The following HIPK1 variants were observed in gnomAD, a reference collection of about 807,000 sequenced individuals.
HIPK1 encodes the protein homeodomain interacting protein kinase 1, also known as homeodomain-interacting protein kinase 1.
In HIPK1, 28 loss-of-function variants were observed where a neutral mutation model predicts 117.1. That is an observed-to-expected ratio of 0.24 (90% confidence interval 0.18 to 0.33). The LOEUF is 0.33. Ranked by LOEUF, HIPK1 falls within the 10% of genes least tolerant of loss-of-function variation. HIPK1 has a pLI of 1.00. For synonymous variants in HIPK1, 605 were observed against 562.5 expected (o/e 1.08, Z -1.07); for missense variants, 1,122 against 1,475.1 (o/e 0.76, Z 3.92).
intron 8 of HIPK1, among the ~76,000 whole-genome samples, chr1:113,958,720 C>T (rs1671896044): frequency 2.0e-5 from 3 of 152,048 alleles, no homozygotes. Context: ...TGATTTTATT[C>T]TAAAATGTAA....
At chr1:113,942,438 C>T (rs932290867) in intron 2 of HIPK1, among the ~76,000 whole-genome samples, 5 of 152,102 alleles carry the variant, frequency 3.3e-5, no homozygotes, top group African/African-American at 7.2e-5. Flanking sequence ...GCTGTTTTTT[C>T]GAACCTCTTA....
intron 8 of HIPK1, among the ~76,000 whole-genome samples, chr1:113,958,665 T>C (rs1319376647): frequency 6.6e-6 from 1 of 152,228 alleles, no homozygotes; most frequent in African/African-American, 2.4e-5. Context: ...TTGGATCTTA[T>C]TGCCTATATC....
intron 2 of HIPK1, among the ~76,000 whole-genome samples, chr1:113,948,993 A>G (rs901653453): frequency 1.3e-5 from 2 of 152,050 alleles, no homozygotes; most frequent in African/African-American, 4.8e-5. Context: ...GCCTGCCACC[A>G]TGCCCAGCTA....
Position 113,977,141 on chromosome 1 carries a change from T to C in HIPK1, c.*3629T>C, listed in dbSNP as rs1303282636. The stretch of plus-strand genomic sequence containing the variant: ...ATGTGTGTTTTGTTCAGCATTATTA[T>C]GCAAAAATTCACTAGTTGAGATGGT... On this transcript the variant is annotated 3_prime_UTR_variant, in exon 16 of 16. Coordinates refer to ENST00000426820, the MANE Select transcript of HIPK1 (RefSeq NM_198268.3). 1 of 152,558 alleles carries C rather than the reference T, an allele frequency of 6.6e-6. No homozygotes were observed. The highest frequency in any genetic ancestry group is 2.4e-5 in the African/African-American group (1 of 41,392). The allele number at this position is 152,558 out of a possible 1,614,324, so 9.5% of individuals were successfully genotyped here. A position where few individuals can be genotyped will look rare whatever the true frequency, so the allele number is the denominator to read the frequency against.
chr1:113,957,890 A>G (rs1303370347), intron 7 of HIPK1, among the ~76,000 whole-genome samples, 176 bp from the exon 8 acceptor site: 2 of 152,076 alleles, frequency 1.3e-5, no homozygotes, highest in Non-Finnish European at 2.9e-5. Flanking sequence ...TGACCATATA[A>G]TATGCCTTCA....
At chr1:113,948,427 A>AT (rs1671128832) in intron 2 of HIPK1, among the ~76,000 whole-genome samples, 1 of 151,656 alleles carries the variant, frequency 6.6e-6, no homozygotes, top group South Asian at 2.1e-4. Flanking sequence ...AATTTTTTAA[A>AT]TTTTTTTGGT....
In HIPK1 at chr1:113,973,122, C is replaced by G; in HGVS notation, c.3243C>G (p.Pro1081=). The G allele has an allele frequency of 6.3e-7, 1 of 1,591,074 alleles. No individual in the cohort carries two copies. Among genetic ancestry groups the G allele is most frequent in the Non-Finnish European group, 8.6e-7 (1 of 1,168,454 alleles). The change falls in exon 16 of 16, where the codon CCC becomes CCG. Residue 1081 remains proline (P), a synonymous_variant. Transcript: ENST00000426820. ...TTGTGGCCCCTCTCTCCCAAGCCCC[C>G]TACACCTTCCAGCATGGCAGCCCGC... is the stretch of plus-strand genomic sequence containing the variant. ...QAFVAPLSQA[P]YTFQHGSPLH...
Position 113,929,425 on chromosome 1 carries a change from C to CCT in HIPK1, c.-110_-109insCT. 1 of 1,289,340 alleles carries CCT rather than the reference C, an allele frequency of 7.8e-7. No homozygotes were observed. Among genetic ancestry groups the CCT allele is most frequent in the South Asian group, 1.2e-5 (1 of 81,032 alleles). The allele number at this position is 1,289,340 out of a possible 1,614,324, so 79.9% of individuals were successfully genotyped here. On this transcript the variant is annotated 5_prime_UTR_variant, in exon 1 of 16. Coordinates refer to ENST00000426820, the MANE Select transcript of HIPK1 (RefSeq NM_198268.3). Reference sequence around the variant, plus strand: ...GGAAGTCCAGGCCCCGCACTCGATCCACGCTGGCTCCCTACGGAGGCCCAC... The same window carrying CCT: ...GGAAGTCCAGGCCCCGCACTCGATCCCTACGCTGGCTCCCTACGGAGGCCCAC...
At chr1:113,966,360 A>C in intron 11 of HIPK1, 88 bp downstream of exon 11, 1 of 1,215,764 alleles carries the variant, frequency 8.2e-7, no homozygotes, top group Non-Finnish European at 1.1e-6. Context: ...GACTAGTAAG[A>C]AAATAAAGGA....
At chr1:113,961,343 A>G (rs893429314) in intron 8 of HIPK1, among the ~76,000 whole-genome samples, 7 of 152,212 alleles carry the variant, frequency 4.6e-5, no homozygotes, top group Non-Finnish European at 1.0e-4. Context: ...CAATGACAAG[A>G]GTAGATTTCT....
chr1:113,929,870 C>G, intron 1 of HIPK1: 1 of 987,510 alleles, frequency 1.0e-6, no homozygotes, highest in South Asian at 4.5e-5. Context: ...TGCGGGGCCC[C>G]AGATCTCGTC....
intron 1 of HIPK1, among the ~76,000 whole-genome samples, chr1:113,937,404 T>C (rs1670324032): frequency 6.6e-6 from 1 of 151,932 alleles, no homozygotes; most frequent in African/African-American, 2.4e-5. Flanking sequence ...ACTGTATGGA[T>C]TGGAGTAGAG....
chr1:113,963,315 A>C, intron 9 of HIPK1, 72 bp from the exon 10 acceptor site: 1 of 1,540,332 alleles, frequency 6.5e-7, no homozygotes, highest in Non-Finnish European at 8.9e-7. Context: ...CTTGGGGGGA[A>C]TGAGAACCCT....
Position 113,973,650 on chromosome 1 carries a change from CAGA to C in HIPK1, c.*141_*143del. 1.0e-6 allele frequency: 1 copy of C among 997,444 alleles called. No homozygotes were observed. The highest frequency in any genetic ancestry group is 1.4e-6 in the Non-Finnish European group (1 of 705,932). 61.8% of individuals were successfully genotyped at this position (997,444 alleles called of 1,614,324 possible). On this transcript the variant is annotated 3_prime_UTR_variant, in exon 16 of 16. Transcript: ENST00000426820. ...CTTGTTCTGCAGGGGCCCACTGAAG[CAGA>C]AGGTTTTTCTCTGGGGGAACCTGTC...
chr1:113,963,565 GTTTC>G lies in HIPK1; in HGVS notation c.2238+52_2238+55del, dbSNP rs768740836. The G allele has an allele frequency of 1.7e-5, 27 of 1,548,462 alleles. 1 individual carries two copies. The South Asian group carries it at 2.8e-4, about 16-fold the overall frequency. On this transcript the variant is annotated intron_variant, in intron 10 of 15. Transcript: ENST00000426820. ...TTGTGTTACTAACGGAGTTTCTTTGGTTTCTTTCTTTTTTGTTTTTTCCTGTTTG... is the reference window on the plus strand; with the variant it reads ...TTGTGTTACTAACGGAGTTTCTTTGGTTTCTTTTTTGTTTTTTCCTGTTTG...
chr1:113,933,843 C>T (rs375066509), intron 1 of HIPK1, among the ~76,000 whole-genome samples: 7 of 152,036 alleles, frequency 4.6e-5, no homozygotes, highest in African/African-American at 1.7e-4. Context: ...GCACTCCGGT[C>T]TGGGTGACAG....
Position 113,973,515 on chromosome 1 carries a change from G to T in HIPK1, c.*3G>T. The T allele has an allele frequency of 6.4e-7, 1 of 1,571,806 alleles. No individual in the cohort carries two copies. The highest frequency in any genetic ancestry group is 8.7e-7 in the Non-Finnish European group (1 of 1,155,410). ...TCAGCCAGTATTCCTACTTATAGTTGGTGAGCATGAGGGAGGAGGAATCAT... is the reference window on the plus strand; with the variant it reads ...TCAGCCAGTATTCCTACTTATAGTTTGTGAGCATGAGGGAGGAGGAATCAT... On this transcript the variant is annotated 3_prime_UTR_variant, in exon 16 of 16. Coordinates refer to ENST00000426820, the MANE Select transcript of HIPK1 (RefSeq NM_198268.3).
At chr1:113,930,598 G>C (rs1285840587) in intron 1 of HIPK1, 3 of 152,442 alleles carry the variant, frequency 2.0e-5, no homozygotes, top group Admixed American at 6.5e-5. Flanking sequence ...AAGGGAGGGG[G>C]AAGGTGGAGA....
intron 1 of HIPK1, among the ~76,000 whole-genome samples, chr1:113,939,458 G>C (rs1670503258): frequency 6.6e-6 from 1 of 151,794 alleles, no homozygotes. Flanking sequence ...AATTAAGATA[G>C]AAAACTGAAG....
Sources: gnomAD v4.1 joint callset for allele counts (sites outside exome capture counted in the v4.1 genomes callset) on GRCh38, gnomAD v4.1.1 for gene constraint, MANE v1.5 for transcripts, NCBI Gene and HGNC (gene_info 2026-07-23, HGNC 2026-07-21) for gene names.